STK33: variants seen among roughly 807,000 people sequenced by gnomAD.
STK33 encodes the protein serine/threonine kinase 33, also known as serine/threonine-protein kinase 33.
Under a neutral mutation model 58.0 loss-of-function variants are expected in STK33, and 52 were observed. That is an observed-to-expected ratio of 0.90 (90% CI 0.72 to 1.13). STK33 has a LOEUF of 1.13. Among genes scored for constraint, STK33 ranks in the 50% most tolerant of loss-of-function variants. STK33 has a pLI of 0.00. For synonymous variants in STK33, 215 were observed against 200.1 expected (o/e 1.07, Z -0.63); for missense variants, 630 against 604.2 (o/e 1.04, Z -0.45).
chr11:8,562,954 G>A (rs145534779), intron 1 of STK33, among the ~76,000 whole-genome samples: 142 of 152,210 alleles, frequency 9.3e-4, no homozygotes, highest in African/African-American at 3.4e-3. Context: ...AAGTAAAGGG[G>A]TAGCTGTTTA....
At chr11:8,589,900 A>G (rs1343720810) in intron 1 of STK33, among the ~76,000 whole-genome samples, 1 of 152,228 alleles carries the variant, frequency 6.6e-6, no homozygotes, top group Non-Finnish European at 1.5e-5. Context: ...ATATCCAAGG[A>G]TAAATATTTG....
rs546147452 is a variant in STK33, at chr11:8,443,409, C to A, written c.872-2656G>T. Among the ~76,000 whole-genome samples, 8 of 152,216 alleles carry A rather than the reference C, an allele frequency of 5.3e-5. No individual in the cohort carries two copies. The South Asian group carries it at 1.0e-3, about 20-fold the overall frequency. ...AAAACCTTTAAGATGCAATCACCTA[C>A]CACAATAAAGAAAACCAGACAGATA... On this transcript the variant is annotated intron_variant, in intron 11 of 15. Coordinates refer to ENST00000687296, the MANE Select transcript of STK33 (RefSeq NM_001352389.2).
At chr11:8,372,840 C>T in the STK33 span, among the ~76,000 whole-genome samples, 3 of 152,186 alleles carry the variant, frequency 2.0e-5, no homozygotes, top group Admixed American at 1.3e-4. Flanking sequence ...CGGCCTCTTC[C>T]GGGGGCTCTG....
intron 1 of STK33, among the ~76,000 whole-genome samples, chr11:8,573,329 T>A (rs1957951978): frequency 6.6e-6 from 1 of 152,194 alleles, no homozygotes; most frequent in African/African-American, 2.4e-5. Flanking sequence ...AATAAGCCCA[T>A]GAAAAGATGA....
chr11:8,392,706 G>A lies in STK33; in HGVS notation c.1349C>T (p.Thr450Ile). Reference sequence around the variant, plus strand: ...TGCAGGAAATTGCTTTTCATAAGCAGTAGACTGCAAATAAAAGGTCTTGAT... The same window carrying A: ...TGCAGGAAATTGCTTTTCATAAGCAATAGACTGCAAATAAAAGGTCTTGAT... ...TSDEEEEKQS[T>I]AYEKQFPATS... The change falls in exon 16 of 16, where the codon ACT becomes ATT. Residue 450 changes from threonine to isoleucine, a missense_variant. Physicochemically the swap from Thr to Ile is moderately conservative, Grantham distance 89 (BLOSUM62 -1). Coordinates refer to ENST00000687296, the MANE Select transcript of STK33 (RefSeq NM_001352389.2). The A allele has an allele frequency of 2.5e-6, 4 of 1,614,124 alleles. No individual in the cohort carries two copies. The highest frequency in any genetic ancestry group is 3.4e-6 in the Non-Finnish European group (4 of 1,179,986).
intron 1 of STK33, among the ~76,000 whole-genome samples, chr11:8,488,737 G>A (rs1215934229): frequency 1.3e-5 from 2 of 152,104 alleles, no homozygotes; most frequent in Non-Finnish European, 2.9e-5. Context: ...ACACCCTGGG[G>A]AGGGGAGAGT....
At chr11:8,583,577 T>C (rs1591906757) in intron 1 of STK33, among the ~76,000 whole-genome samples, 1 of 152,304 alleles carries the variant, frequency 6.6e-6, no homozygotes, top group East Asian at 1.9e-4. Context: ...CATCAAGTTA[T>C]TCATTCTGAA....
intron 1 of STK33, among the ~76,000 whole-genome samples, chr11:8,512,624 TTTTTTA>T (rs1336631038): frequency 7.3e-6 from 1 of 136,542 alleles, no homozygotes; most frequent in Non-Finnish European, 1.7e-5. Flanking sequence ...TAAGCTTATA[TTTTTTA>T]TTTTTAAGTC....
At position 8,517,873 on chromosome 11, in the gene STK33, C is replaced by G. The variant is rs568563969; in HGVS notation, c.-465-37259G>C. On this transcript the variant is annotated intron_variant, in intron 1 of 15. Transcript: ENST00000687296. The stretch of plus-strand genomic sequence containing the variant: ...CCAAATCTATGATTGATTGGTGTAC[C>G]TGAAAGTGAAGGGAAGAATGGAACC... 5.9e-5 allele frequency among the ~76,000 whole-genome samples: 9 copies of G among 152,174 alleles called. No homozygotes were observed. In the South Asian group the frequency reaches 1.9e-3, roughly 32 times the overall value.
At chr11:8,549,330 T>C (rs1956150970) in intron 1 of STK33, among the ~76,000 whole-genome samples, 1 of 152,206 alleles carries the variant, frequency 6.6e-6, no homozygotes, top group African/African-American at 2.4e-5. Flanking sequence ...TCACACTTGA[T>C]TGTGCTAAAT....
intron 15 of STK33, among the ~76,000 whole-genome samples, chr11:8,411,248 C>A (rs1940190567): frequency 6.6e-6 from 1 of 152,208 alleles, no homozygotes; most frequent in South Asian, 2.1e-4. Context: ...ACATTACTGT[C>A]CTCAGAATAC....
rs748625727 is a variant in STK33 at position 8,440,689 on chromosome 11, T to G, written c.936A>C (p.Val312=). 2.6e-6 allele frequency: 4 copies of G among 1,564,986 alleles called. No individual in the cohort carries two copies. The highest frequency in any genetic ancestry group is 1.9e-5 in the Admixed American group (1 of 53,334). ...AGCAGGCTACTTACAACATGTACAT[T>G]ACGACGCCTATGCTCCAAATGTCAC... ...QQCDIWSIGV[V]MYMLLRGEPP... The change falls in exon 12 of 16, where the codon GTA becomes GTC. Residue 312 remains valine, a synonymous_variant. Transcript: ENST00000687296.
In STK33 at chr11:8,474,846, A is replaced by C. The variant is rs1363038004; in HGVS notation, c.60T>G (p.Ser20=). ...AACATACACAAAGTACATCTTTCTG[A>C]GAAGCAGATGAACAGTCGGGGCATT... The part of the protein sequence containing the change: ...STKCPDCSSA[S]QKDVLCVCSS... Residue 20 remains serine (S), a synonymous_variant, in exon 5 of 16, where the codon TCT becomes TCG. Coordinates refer to ENST00000687296, the MANE Select transcript of STK33 (RefSeq NM_001352389.2). 1.2e-6 allele frequency: 2 copies of C among 1,610,516 alleles called. No homozygotes were observed. Among genetic ancestry groups the C allele is most frequent in the Admixed American group, 3.4e-5 (2 of 59,466 alleles).
intron 1 of STK33, among the ~76,000 whole-genome samples, chr11:8,517,615 C>A (rs1346693564): frequency 6.6e-6 from 1 of 152,126 alleles, no homozygotes; most frequent in Non-Finnish European, 1.5e-5. Context: ...GAATGGCTAA[C>A]TAGAATAAAC....
At chr11:8,551,955 G>C (rs565278109) in intron 1 of STK33, among the ~76,000 whole-genome samples, 36 of 140,672 alleles carry the variant, frequency 2.6e-4, no homozygotes, top group Non-Finnish European at 4.1e-4. Context: ...TGATTGGAGA[G>C]CTAAAGAGCC....
At chr11:8,533,112 T>C (rs1056762630) in intron 1 of STK33, among the ~76,000 whole-genome samples, 1 of 152,210 alleles carries the variant, frequency 6.6e-6, no homozygotes. Context: ...CAGTTGAAAA[T>C]GTCCTTATTG....
chr11:8,391,439 C>A (rs1440262915), downstream of STK33, among the ~76,000 whole-genome samples: 1 of 152,188 alleles, frequency 6.6e-6, no homozygotes, highest in East Asian at 1.9e-4. Flanking sequence ...ATAGTGTCTT[C>A]TAAACTAACT....
intron 15 of STK33, among the ~76,000 whole-genome samples, chr11:8,406,304 A>T (rs1379681620): frequency 6.6e-6 from 1 of 152,218 alleles, no homozygotes; most frequent in Non-Finnish European, 1.5e-5. Context: ...ATCAAGTCAT[A>T]TAAGTCTTGC....
chr11:8,457,654 A>G (rs868475144), intron 8 of STK33, among the ~76,000 whole-genome samples, 175 bp from the exon 9 acceptor site: 7 of 152,200 alleles, frequency 4.6e-5, no homozygotes, highest in Admixed American at 1.3e-4. Flanking sequence ...AGGTAAAGAC[A>G]TAGTATTTAT....
Sources: gnomAD v4.1 joint callset for allele counts (sites outside exome capture counted in the v4.1 genomes callset) on GRCh38, gnomAD v4.1.1 for gene constraint, MANE v1.5 for transcripts, NCBI Gene and HGNC (gene_info 2026-07-23, HGNC 2026-07-21) for gene names.